The following IMMP2L variants were observed in gnomAD, a reference collection of about 807,000 sequenced individuals.
IMMP2L encodes inner mitochondrial membrane peptidase subunit 2.
IMMP2L carries 18 observed loss-of-function variants against 19.3 expected under a neutral mutation model. The observed-to-expected ratio is 0.93, with a 90% CI of 0.64 to 1.38. The LOEUF is 1.38. Ranked by LOEUF, IMMP2L falls within the 40% of genes most tolerant of loss-of-function variation. The probability of loss-of-function intolerance (pLI) is 0.00; values close to 1 mark genes in which losing one functional copy is unlikely to be tolerated. For missense variants in IMMP2L, 233 were observed against 218.2 expected (o/e 1.07, Z -0.43); for synonymous variants, 76 against 73.0 (o/e 1.04, Z -0.21).
At chr7:111,287,368 T>G (rs1381263277) in intron 3 of IMMP2L, among the ~76,000 whole-genome samples, 3 of 152,114 alleles carry the variant, frequency 2.0e-5, no homozygotes, top group Non-Finnish European at 4.4e-5. Flanking sequence ...CTGCAAACCC[T>G]GATTTTGACT....
chr7:111,225,294 C>T (rs923276940), intron 3 of IMMP2L, among the ~76,000 whole-genome samples: 2 of 152,044 alleles, frequency 1.3e-5, no homozygotes, highest in African/African-American at 4.8e-5. Flanking sequence ...ATAAGAAAGC[C>T]TTATATTGCC....
At chr7:111,207,495 G>C (rs1301100991) in intron 3 of IMMP2L, among the ~76,000 whole-genome samples, 1 of 150,444 alleles carries the variant, frequency 6.6e-6, no homozygotes, top group African/African-American at 2.4e-5. Context: ...AGCAAAGATA[G>C]AGGCTTGCTT....
intron 3 of IMMP2L, among the ~76,000 whole-genome samples, chr7:111,294,401 C>T (rs1216817292): frequency 2.0e-5 from 3 of 151,706 alleles, no homozygotes; most frequent in Non-Finnish European, 4.4e-5. Context: ...CAAAAGTAAA[C>T]ATGGTGAGAA....
intron 3 of IMMP2L, among the ~76,000 whole-genome samples, chr7:111,032,286 ATAGAATGGAGAGCC>A (rs1337485431): frequency 6.6e-6 from 1 of 152,148 alleles, no homozygotes; most frequent in Non-Finnish European, 1.5e-5. Flanking sequence ...GATCAATAGA[ATAGAATGGAGAGCC>A]TAGAATTATG....
chr7:110,884,518 G>C (rs1384013570), intron 5 of IMMP2L, among the ~76,000 whole-genome samples: 3 of 151,926 alleles, frequency 2.0e-5, no homozygotes, highest in African/African-American at 7.2e-5. Flanking sequence ...CCATATCATG[G>C]GACGATAGGA....
chr7:111,559,323 A>G (rs1392713445), intron 1 of IMMP2L, among the ~76,000 whole-genome samples: 1 of 152,232 alleles, frequency 6.6e-6, no homozygotes, highest in East Asian at 1.9e-4. Context: ...CAGTTTGGAC[A>G]TGAAGCATCA....
intron 5 of IMMP2L, among the ~76,000 whole-genome samples, chr7:110,755,675 G>A (rs111965680): frequency 6.6e-6 from 1 of 152,210 alleles, no homozygotes; most frequent in Middle Eastern, 3.4e-3. Flanking sequence ...GGCTATAGTG[G>A]AGTTGTTAAA....
intron 4 of IMMP2L, among the ~76,000 whole-genome samples, chr7:110,921,526 C>T (rs568668046): frequency 1.4e-4 from 22 of 152,298 alleles, no homozygotes; most frequent in Middle Eastern, 6.8e-3. Context: ...AGACAAGATG[C>T]TTTATTCAAA....
intron 3 of IMMP2L, among the ~76,000 whole-genome samples, chr7:111,121,385 C>T (rs539507543): frequency 6.5e-4 from 99 of 152,268 alleles, no homozygotes; most frequent in South Asian, 2.7e-3. Flanking sequence ...TCAATTTTGG[C>T]TTTTGTTGCC....
At chr7:111,475,815 T>C (rs1465804364) in intron 3 of IMMP2L, among the ~76,000 whole-genome samples, 5 of 152,128 alleles carry the variant, frequency 3.3e-5, no homozygotes, top group Admixed American at 1.3e-4. Flanking sequence ...TTTTCAATAA[T>C]TGCAACTACA....
intron 3 of IMMP2L, among the ~76,000 whole-genome samples, chr7:111,017,592 C>A (rs1691413077): frequency 6.6e-6 from 1 of 152,158 alleles, no homozygotes; most frequent in African/African-American, 2.4e-5. Flanking sequence ...GTTGTCCTTT[C>A]TTTTTACTCC....
intron 5 of IMMP2L, among the ~76,000 whole-genome samples, chr7:110,814,672 T>G (rs1013709389): frequency 6.7e-6 from 1 of 149,008 alleles, no homozygotes; most frequent in Non-Finnish European, 1.5e-5. Context: ...TAGAATTCTT[T>G]TTCAACAAAA....
chr7:111,288,898 C>T (rs1471194136), intron 3 of IMMP2L, among the ~76,000 whole-genome samples: 1 of 152,064 alleles, frequency 6.6e-6, no homozygotes, highest in African/African-American at 2.4e-5. Context: ...TACCATTTGA[C>T]CCAGCCATCC....
At chr7:111,074,619 A>C (rs927911259) in intron 3 of IMMP2L, among the ~76,000 whole-genome samples, 9 of 152,304 alleles carry the variant, frequency 5.9e-5, no homozygotes, top group Admixed American at 1.3e-4. Context: ...CAGAGTTTTC[A>C]TCTACACAGA....
intron 3 of IMMP2L, among the ~76,000 whole-genome samples, chr7:111,378,485 T>C (rs1308756201): frequency 6.6e-6 from 1 of 152,022 alleles, no homozygotes; most frequent in Admixed American, 6.6e-5. Flanking sequence ...AATCTTATTA[T>C]CTAAATTATT....
chr7:110,863,552 G>T (rs1354011623), intron 5 of IMMP2L, among the ~76,000 whole-genome samples: 1 of 151,976 alleles, frequency 6.6e-6, no homozygotes, highest in Non-Finnish European at 1.5e-5. Context: ...TCTTTCCCCC[G>T]GCTAGCAATA....
chr7:111,277,695 A>G (rs1453874624), intron 3 of IMMP2L, among the ~76,000 whole-genome samples: 1 of 152,198 alleles, frequency 6.6e-6, no homozygotes, highest in Non-Finnish European at 1.5e-5. Flanking sequence ...AGAACTAAAA[A>G]TAGAACTACT....
At chr7:111,380,145 A>G (rs985387664) in intron 3 of IMMP2L, among the ~76,000 whole-genome samples, 6 of 152,092 alleles carry the variant, frequency 3.9e-5, no homozygotes, top group Admixed American at 3.9e-4. Context: ...ATTTGAAGGC[A>G]CTTCACAGTA....
At chr7:111,310,364 A>G (rs1481577689) in intron 3 of IMMP2L, among the ~76,000 whole-genome samples, 1 of 151,870 alleles carries the variant, frequency 6.6e-6, no homozygotes, top group African/African-American at 2.4e-5. Context: ...AGAACCTCTC[A>G]TTTTCAATTT....
Sources: gnomAD v4.1 joint callset for allele counts (sites outside exome capture counted in the v4.1 genomes callset) on GRCh38, gnomAD v4.1.1 for gene constraint, MANE v1.5 for transcripts, NCBI Gene and HGNC (gene_info 2026-07-23, HGNC 2026-07-21) for gene names.